The following PDIA2 variants were observed in gnomAD, a reference collection of about 807,000 sequenced individuals.
PDIA2 encodes protein disulfide isomerase family A member 2.
Under a neutral mutation model 51.1 loss-of-function variants are expected in PDIA2, and 76 were observed. The ratio of observed to expected loss-of-function variants is 1.49; its 90% confidence interval spans 1.24 to 1.80. The LOEUF is 1.80. Among genes scored for constraint, PDIA2 ranks in the 40% most tolerant of loss-of-function variants. PDIA2 has a pLI of 0.00. For missense variants in PDIA2, 946 were observed against 706.5 expected (o/e 1.34, Z -3.84); for synonymous variants, 429 against 309.9 (o/e 1.38, Z -4.04).
intron 1 of PDIA2, 45 bp downstream of exon 1, chr16:283,413 C>G (rs1380645071): frequency 6.6e-7 from 1 of 1,518,442 alleles, no homozygotes; most frequent in East Asian, 2.3e-5. Flanking sequence ...GGGGGACCGG[C>G]AGAGCCCACC....
rs1179594893 is a variant in PDIA2 at position 286,937 on chromosome 16, C to T, written c.1525C>T (p.Pro509Ser). The T allele has an allele frequency of 1.3e-6, 2 of 1,599,856 alleles. No individual in the cohort carries two copies. The highest frequency in any genetic ancestry group is 1.7e-4 in the Middle Eastern group (1 of 6,000). Reference protein sequence around the residue: ...TEEPPEEPAAPFPEPPANSTM... With the variant: ...TEEPPEEPAASFPEPPANSTM... ...GGAGCCCCCGGAGGAGCCAGCAGCC[C>T]CGTTCCCGGTGGGTGTCCCTAAGCC... Residue 509 changes from proline to serine, a missense_variant, in exon 10 of 11, where the codon CCG (proline) becomes TCG (serine). Transcript: ENST00000219406.
chr16:286,464 G>C lies in PDIA2; in HGVS notation c.1231G>C (p.Val411Leu). 1 of 1,613,048 alleles carries C rather than the reference G, an allele frequency of 6.2e-7. No homozygotes were observed. The highest frequency in any genetic ancestry group is 1.1e-5 in the South Asian group (1 of 91,072). ...TTTTGACGAAACCAAGAATGTGTTTGTCAAGTTCTGTGAGTGTTGAGGGAG... is the reference window on the plus strand; with the variant it reads ...TTTTGACGAAACCAAGAATGTGTTTCTCAAGTTCTGTGAGTGTTGAGGGAG... The part of the protein sequence containing the change: ...VAFDETKNVF[V>L]KFYAPWCTHC... Residue 411 changes from valine (V) to leucine (L), a missense_variant, in exon 8 of 11, where the codon GTC (valine) becomes CTC (leucine). Transcript: ENST00000219406.
chr16:286,678 C>T lies in PDIA2; in HGVS notation c.1365C>T (p.Ala455=), dbSNP rs1289831842. The T allele has an allele frequency of 5.6e-6, 9 of 1,612,800 alleles. No individual in the cohort carries two copies. The Admixed American group carries it at 1.0e-4, about 18-fold the overall frequency. Residue 455 remains alanine, a synonymous_variant, in exon 9 of 11, where the codon GCC becomes GCT. Coordinates refer to ENST00000219406, the MANE Select transcript of PDIA2 (RefSeq NM_006849.4). ...ELDATANELD[A]FAVHGFPTLK... The stretch of plus-strand genomic sequence containing the variant: ...ATGCCACGGCCAACGAGCTGGATGC[C>T]TTCGCTGTGCACGGCTTCCCTACTC...
rs182466191 is a variant in PDIA2 at position 284,809 on chromosome 16, G to T, written c.540+17G>T. The T allele has an allele frequency of 4.1e-3, 6,491 of 1,586,252 alleles. 376 individuals are homozygous for T. The Admixed American group carries it at 0.1, about 25-fold the overall frequency. On this transcript the variant is annotated intron_variant, in intron 3 of 10. Transcript: ENST00000219406. ...TTCTTCCAGGTGAGCCACTGGGCAT[G>T]GGGGGCCGGGCCATGAGGGCAGTGA...
chr16:286,320 C>T (rs754336449), intron 7 of PDIA2, 33 bp from the exon 8 acceptor site: 60 of 1,584,280 alleles, frequency 3.8e-5, no homozygotes, highest in Non-Finnish European at 4.9e-5. Context: ...TGCAGAGGAC[C>T]CCTGGCAAAG....
rs750137658 is a variant in PDIA2 at position 285,160 on chromosome 16, TCA to T, written c.762_763del (p.His254GlnfsTer66). ...CTGGGGGATCTGTCGCGCTTCCTGGTCACACACAGCATGCGCCTGGTCACGGA... is the reference window on the plus strand; with the variant it reads ...CTGGGGGATCTGTCGCGCTTCCTGGTCACACAGCATGCGCCTGGTCACGGA... On this transcript the variant is annotated frameshift_variant, in exon 5 of 11. Coordinates refer to ENST00000219406, the MANE Select transcript of PDIA2 (RefSeq NM_006849.4). LOFTEE classifies it high-confidence loss of function. The T allele has an allele frequency of 1.2e-5, 20 of 1,612,906 alleles. No homozygotes were observed. In the East Asian group the frequency reaches 4.0e-4, roughly 32 times the overall value.
chr16:286,337 TC>T lies in PDIA2; in HGVS notation c.1120-14del. On this transcript the variant is annotated splice_polypyrimidine_tract_variant and intron_variant, in intron 7 of 10. Coordinates refer to ENST00000219406, the MANE Select transcript of PDIA2 (RefSeq NM_006849.4). ...CAGAGGACCCCTGGCAAAGCGCCTG[TC>T]CTGGTTTCCCCCAGCCCTATCTCCT... The T allele has an allele frequency of 6.4e-7, 1 of 1,560,262 alleles. No individual in the cohort carries two copies. The highest frequency in any genetic ancestry group is 1.1e-5 in the South Asian group (1 of 89,682).
Position 287,139 on chromosome 16 carries a change from A to G in PDIA2, c.*26A>G. On this transcript the variant is annotated 3_prime_UTR_variant, in exon 11 of 11. Transcript: ENST00000219406. ...CTGCCCCCGTGTCACCCCCGCCATC[A>G]CTGCTGGACAGGAGCCACCCCCTTG... The G allele has an allele frequency of 3.1e-6, 5 of 1,611,818 alleles. No homozygotes were observed. Among genetic ancestry groups the G allele is most frequent in the Non-Finnish European group, 4.2e-6 (5 of 1,179,216 alleles).
Position 285,820 on chromosome 16 carries a change from CCCCTCAACCCGGCAATT to C in PDIA2, c.1119+119_1119+135del, listed in dbSNP as rs540840645. On this transcript the variant is annotated intron_variant, in intron 7 of 10. Coordinates refer to ENST00000219406, the MANE Select transcript of PDIA2 (RefSeq NM_006849.4). ...TGCCCCTGCAGGCCCCGCAGAGGCC[CCCCTCAACCCGGCAATT>C]CTCCCAACCCGGCGGTTCTCCCAAC... 3.1e-3 allele frequency: 3,577 copies of C among 1,156,364 alleles called. 18 individuals carry two copies. Among genetic ancestry groups the C allele is most frequent in the Middle Eastern group, 0.011 (40 of 3,508 alleles). The allele number at this position is 1,156,364 out of a possible 1,614,324, so 71.6% of individuals were successfully genotyped here. A position where few individuals can be genotyped will look rare whatever the true frequency, so the allele number is the denominator to read the frequency against.
intron 7 of PDIA2, 82 bp from the exon 8 acceptor site, chr16:286,271 C>T: frequency 1.5e-6 from 1 of 685,656 alleles, no homozygotes; most frequent in East Asian, 5.1e-5. Context: ...CAGGACCTCC[C>T]CCCCACCCCC....
rs1238754809 is a variant in PDIA2, at chr16:285,187, A to C, written c.782A>C (p.Glu261Ala). 1.2e-6 allele frequency: 2 copies of C among 1,612,778 alleles called. No homozygotes were observed. The highest frequency in any genetic ancestry group is 1.7e-6 in the Non-Finnish European group (2 of 1,179,974). Residue 261 changes from glutamate to alanine, a missense_variant, in exon 5 of 11, where the codon GAG (glutamate) becomes GCG (alanine). By Grantham distance (107) the Glu-to-Ala change is moderately radical. Coordinates refer to ENST00000219406, the MANE Select transcript of PDIA2 (RefSeq NM_006849.4). Reference sequence around the variant, plus strand: ...ACACACAGCATGCGCCTGGTCACGGAGTTCAACAGCCAGGTGCGTAGGCTG... The same window carrying C: ...ACACACAGCATGCGCCTGGTCACGGCGTTCAACAGCCAGGTGCGTAGGCTG... Reference protein sequence around the residue: ...LVTHSMRLVTEFNSQTSAKIF... With the variant: ...LVTHSMRLVTAFNSQTSAKIF...
intron 1 of PDIA2, 22 bp downstream of exon 1, chr16:283,390 G>T: frequency 1.9e-6 from 3 of 1,551,958 alleles, no homozygotes; most frequent in Non-Finnish European, 2.6e-6. Context: ...GGCCAGTGGG[G>T]CTGGGGACCG....
chr16:285,302 C>T lies in PDIA2; in HGVS notation c.796-10C>T, dbSNP rs776285391. On this transcript the variant is annotated splice_polypyrimidine_tract_variant and intron_variant, in intron 5 of 10. Transcript: ENST00000219406. ...GTCCTGTGGAGTCATGAGCACCCTC[C>T]CTACTGTAGACGTCTGCCAAGATCT... 2 of 1,612,670 alleles carry T rather than the reference C, an allele frequency of 1.2e-6. No individual in the cohort carries two copies. Among genetic ancestry groups the T allele is most frequent in the Non-Finnish European group, 8.5e-7 (1 of 1,179,800 alleles).
chr16:286,613 A>T lies in PDIA2; in HGVS notation c.1300A>T (p.Lys434Ter). Residue 434 changes from lysine (K) to a stop codon, truncating the protein, a stop_gained, in exon 9 of 11, where the codon AAG becomes TAG. Transcript: ENST00000219406. LOFTEE classifies it high-confidence loss of function. ...CCCTGCCTGGGAGGCATTGGCTGAGAAGTACCAAGACCACGAGGACATCAT... is the reference window on the plus strand; with the variant it reads ...CCCTGCCTGGGAGGCATTGGCTGAGTAGTACCAAGACCACGAGGACATCAT... ...MAPAWEALAE[K>*]YQDHEDIIIA... 6.2e-7 allele frequency: 1 copy of T among 1,612,778 alleles called. No homozygotes were observed. The highest frequency in any genetic ancestry group is 8.5e-7 in the Non-Finnish European group (1 of 1,179,970).
chr16:285,639 G>A lies in PDIA2; in HGVS notation c.1055G>A (p.Gly352Glu), dbSNP rs45503792. Residue 352 changes from glycine to glutamate, a missense_variant, in exon 7 of 11, where the codon GGG becomes GAG. Gly to Glu is a moderately conservative substitution (Grantham distance 98, BLOSUM62 -2). Coordinates refer to ENST00000219406, the MANE Select transcript of PDIA2 (RefSeq NM_006849.4). ...ETTKKYAPVDGGPVTAASITA... is the reference protein window; with the variant it reads ...ETTKKYAPVDEGPVTAASITA... ...ACTAAGAAGTATGCGCCTGTGGATG[G>A]GGGCCCTGTCACCGCAGCGTCCATC... 1 of 1,613,298 alleles carries A rather than the reference G, an allele frequency of 6.2e-7. No individual in the cohort carries two copies. The highest frequency in any genetic ancestry group is 8.5e-7 in the Non-Finnish European group (1 of 1,179,950).
intron 3 of PDIA2, 31 bp downstream of exon 3, chr16:284,823 T>C: frequency 6.3e-7 from 1 of 1,597,034 alleles, no homozygotes; most frequent in Non-Finnish European, 8.5e-7. Context: ...GGCCGGGCCA[T>C]GAGGGCAGTG....
intron 1 of PDIA2, chr16:284,005 T>C (rs994074991): frequency 2.6e-5 from 8 of 303,686 alleles, no homozygotes; most frequent in Admixed American, 1.7e-4. Context: ...GCTGGGATTA[T>C]AGGCATACGC....
intron 7 of PDIA2, 65 bp downstream of exon 7, chr16:285,768 G>A (rs1452183525): frequency 1.4e-5 from 22 of 1,540,236 alleles, no homozygotes; most frequent in Middle Eastern, 3.6e-4. Flanking sequence ...TTGGCAGGGG[G>A]TGGGAACAGC....
At chr16:284,271 G>T (rs1032323583) in intron 1 of PDIA2, 116 bp from the exon 2 acceptor site, 1 of 1,076,748 alleles carries the variant, frequency 9.3e-7, no homozygotes, top group African/African-American at 1.6e-5. Context: ...GCTTGTCCAC[G>T]GCCAGGGCTC....
Sources: gnomAD v4.1 joint callset for allele counts on GRCh38, gnomAD v4.1.1 for gene constraint, MANE v1.5 for transcripts, NCBI Gene and HGNC (gene_info 2026-07-23, HGNC 2026-07-21) for gene names.